CCL27: variants seen among roughly 807,000 people sequenced by gnomAD.
CCL27 encodes the protein C-C motif chemokine ligand 27.
Under a neutral mutation model 7.7 loss-of-function variants are expected in CCL27, and 8 were observed. The observed-to-expected ratio is 1.04, with a 90% CI of 0.61 to 1.88. The LOEUF is 1.88. CCL27 is among the 40% of genes most tolerant of loss of function. The pLI, the probability that CCL27 is intolerant of heterozygous loss-of-function variation, is 0.00. For synonymous variants in CCL27, 49 were observed against 53.2 expected, an observed-to-expected ratio of 0.92 and a Z score of 0.34; for missense variants, 130 against 130.0, an observed-to-expected ratio of 1.00 and a Z score of 0.00.
In CCL27 at chr9:34,662,550, C is replaced by A; in HGVS notation, c.70+14G>T. The A allele has an allele frequency of 6.2e-7, 1 of 1,613,886 alleles. No homozygotes were observed. Among genetic ancestry groups the A allele is most frequent in the Non-Finnish European group, 8.5e-7 (1 of 1,179,852 alleles). ...CACCCAGACCCCCAGCTTTCTATAC[C>A]CCCAAGTACTCACCTGCTGTAGGGT... On this transcript the variant is annotated intron_variant, in intron 1 of 2. Coordinates refer to ENST00000259631, the MANE Select transcript of CCL27 (RefSeq NM_006664.4).
rs926609738 is a variant in CCL27, at chr9:34,661,904, T to G, written c.*40A>C. Reference sequence around the variant, plus strand: ...GTTCTTGGAGATTATACTCAGAAATTATTATCCAATGCTGCTTTATTATTT... The same window carrying G: ...GTTCTTGGAGATTATACTCAGAAATGATTATCCAATGCTGCTTTATTATTT... On this transcript the variant is annotated 3_prime_UTR_variant, in exon 3 of 3. Coordinates refer to ENST00000259631, the MANE Select transcript of CCL27 (RefSeq NM_006664.4). 1 of 1,608,026 alleles carries G rather than the reference T, an allele frequency of 6.2e-7. No homozygotes were observed. Among genetic ancestry groups the G allele is most frequent in the Non-Finnish European group, 8.5e-7 (1 of 1,175,304 alleles).
rs1256179561 is a variant in CCL27 at position 34,661,993 on chromosome 9, T to C, written c.290A>G (p.His97Arg). 6.8e-6 allele frequency: 11 copies of C among 1,614,142 alleles called. No homozygotes were observed. The highest frequency in any genetic ancestry group is 6.8e-6 in the Non-Finnish European group (8 of 1,180,042). The change falls in exon 3 of 3, where the codon CAT becomes CGT. Residue 97 changes from histidine (H) to arginine (R), a missense_variant. Coordinates refer to ENST00000259631, the MANE Select transcript of CCL27 (RefSeq NM_006664.4). Reference sequence around the variant, plus strand: ...AAAATTCAGCTTGGGCAGAGTCCCATGGAGCTTTCTCTCTTGGTGCTCAAA... The same window carrying C: ...AAAATTCAGCTTGGGCAGAGTCCCACGGAGCTTTCTCTCTTGGTGCTCAAA... Reference protein sequence around the residue: ...QWFEHQERKLHGTLPKLNFGM... With the variant: ...QWFEHQERKLRGTLPKLNFGM...
In CCL27 at chr9:34,662,604, G is replaced by A. The variant is rs1490561057; in HGVS notation, c.30C>T (p.Leu10=). 5.6e-6 allele frequency: 9 copies of A among 1,613,708 alleles called. No homozygotes were observed. Among genetic ancestry groups the A allele is most frequent in the Admixed American group, 1.7e-5 (1 of 59,932 alleles). Residue 10 remains leucine, a synonymous_variant, in exon 1 of 3, where the codon CTC becomes CTT. Coordinates refer to ENST00000259631, the MANE Select transcript of CCL27 (RefSeq NM_006664.4). The part of the protein sequence containing the change: MKGPPTFCS[L]LLLSLLLSPD... ...GGCTCAGGAGCAATGACAGCAGCAG[G>A]AGGCTGCAGAAGGTTGGGGGCCCCT...
At chr9:34,662,483 G>A (rs1332362536) in intron 1 of CCL27, 67 bp from the exon 2 acceptor site, 6 of 1,613,166 alleles carry the variant, frequency 3.7e-6, no homozygotes, top group Non-Finnish European at 4.2e-6. Flanking sequence ...GACAGCTGGA[G>A]GTTAGGTTGG....
At chr9:34,662,508 T>G in intron 1 of CCL27, 56 bp downstream of exon 1, 1 of 1,612,486 alleles carries the variant, frequency 6.2e-7, no homozygotes, top group Non-Finnish European at 8.5e-7. Context: ...CCTGGGTCTT[T>G]TCAACTTCAT....
At chr9:34,662,142 A>G (rs761974958) in intron 2 of CCL27, 63 bp from the exon 3 acceptor site, 26 of 1,608,888 alleles carry the variant, frequency 1.6e-5, no homozygotes, top group African/African-American at 5.4e-5. Context: ...GTCATCCCCA[A>G]TGACCCTAAT....
chr9:34,662,135 AT>A, intron 2 of CCL27, 56 bp from the exon 3 acceptor site: 1 of 1,610,898 alleles, frequency 6.2e-7, no homozygotes, highest in South Asian at 1.1e-5. Context: ...GATTAGGGTC[AT>A]CCCCAATGAC....
At chr9:34,662,499 C>T in intron 1 of CCL27, 65 bp downstream of exon 1, 1 of 1,612,782 alleles carries the variant, frequency 6.2e-7, no homozygotes, top group Non-Finnish European at 8.5e-7. Flanking sequence ...GTTGGATTTC[C>T]TGGGTCTTTT....
Position 34,662,619 on chromosome 9 carries a change from T to TG in CCL27, c.14dup (p.Thr6AsnfsTer54). Reference sequence around the variant, plus strand: ...ACAGCAGCAGGAGGCTGCAGAAGGTTGGGGGCCCCTTCATGTTGCTCAGCC... The same window carrying TG: ...ACAGCAGCAGGAGGCTGCAGAAGGTTGGGGGGCCCCTTCATGTTGCTCAGCC... On this transcript the variant is annotated frameshift_variant, in exon 1 of 3. Coordinates refer to ENST00000259631, the MANE Select transcript of CCL27 (RefSeq NM_006664.4). LOFTEE classifies it high-confidence loss of function. The TG allele has an allele frequency of 6.2e-7, 1 of 1,612,886 alleles. No individual in the cohort carries two copies. The highest frequency in any genetic ancestry group is 8.5e-7 in the Non-Finnish European group (1 of 1,179,536).
rs1041996072 is a variant in CCL27, at chr9:34,662,263, G to A, written c.203+21C>T. On this transcript the variant is annotated intron_variant, in intron 2 of 2. Coordinates refer to ENST00000259631, the MANE Select transcript of CCL27 (RefSeq NM_006664.4). The stretch of plus-strand genomic sequence containing the variant: ...GTTGGGACTGAGGTCAGAGTCAGGG[G>A]TATCAGGGGTGGGAGCTCACACGAA... 3.7e-6 allele frequency: 6 copies of A among 1,613,210 alleles called. No homozygotes were observed. The African/African-American group carries it at 8.0e-5, about 22-fold the overall frequency.
At chr9:34,662,467 C>A (rs1264938412) in intron 1 of CCL27, 51 bp from the exon 2 acceptor site, 2 of 1,613,708 alleles carry the variant, frequency 1.2e-6, no homozygotes, top group African/African-American at 1.3e-5. Flanking sequence ...AAGAACCTCT[C>A]TGCCAGACAG....
At position 34,661,897 on chromosome 9, in the gene CCL27, C is replaced by T. The variant is rs1202324747; in HGVS notation, c.*47G>A. On this transcript the variant is annotated 3_prime_UTR_variant, in exon 3 of 3. Transcript: ENST00000259631. ...TAAGGAAGTTCTTGGAGATTATACTCAGAAATTATTATCCAATGCTGCTTT... is the reference window on the plus strand; with the variant it reads ...TAAGGAAGTTCTTGGAGATTATACTTAGAAATTATTATCCAATGCTGCTTT... The T allele has an allele frequency of 6.2e-7, 1 of 1,604,162 alleles. No individual in the cohort carries two copies. Among genetic ancestry groups the T allele is most frequent in the East Asian group, 2.2e-5 (1 of 44,762 alleles).
chr9:34,662,490 T>A, intron 1 of CCL27, 74 bp from the exon 2 acceptor site: 1 of 1,612,866 alleles, frequency 6.2e-7, no homozygotes, highest in South Asian at 1.1e-5. Context: ...GGAGGTTAGG[T>A]TGGATTTCCT....
rs369213038 is a variant in CCL27, at chr9:34,662,316, C to T, written c.171G>A (p.Glu57=). 2.5e-6 allele frequency: 4 copies of T among 1,614,108 alleles called. No homozygotes were observed. The highest frequency in any genetic ancestry group is 3.4e-6 in the Non-Finnish European group (4 of 1,180,012). The change falls in exon 2 of 3, where the codon GAG becomes GAA. Residue 57 remains glutamate, a synonymous_variant. Coordinates refer to ENST00000259631, the MANE Select transcript of CCL27 (RefSeq NM_006664.4). ...CCTGGAGGTGACAGTCCCCGTCAGC[C>T]TCCTGCAGTTCCACCTGGATGACCT... ...LRKVIQVELQ[E]ADGDCHLQAF... is the part of the protein sequence containing the mutation.
Position 34,662,656 on chromosome 9 carries a change from T to TTC in CCL27, c.-24_-23insGA, listed in dbSNP as rs770683965. ...CATGTTGCTCAGCCTAGACTCTTCC[T>TTC]TCTCTCTCTCTCCTCCTCCCCTACC... On this transcript the variant is annotated 5_prime_UTR_variant, in exon 1 of 3. Transcript: ENST00000259631. 3.2e-6 allele frequency: 5 copies of TTC among 1,579,434 alleles called. No homozygotes were observed. Among genetic ancestry groups the TTC allele is most frequent in the East Asian group, 2.2e-5 (1 of 44,614 alleles).
Position 34,662,551 on chromosome 9 carries a change from C to T in CCL27, c.70+13G>A, listed in dbSNP as rs748720150. 13 of 1,613,858 alleles carry T rather than the reference C, an allele frequency of 8.1e-6. No individual in the cohort carries two copies. The highest frequency in any genetic ancestry group is 2.7e-5 in the African/African-American group (2 of 74,900). On this transcript the variant is annotated intron_variant, in intron 1 of 2. Transcript: ENST00000259631. Reference sequence around the variant, plus strand: ...ACCCAGACCCCCAGCTTTCTATACCCCCAAGTACTCACCTGCTGTAGGGTC... The same window carrying T: ...ACCCAGACCCCCAGCTTTCTATACCTCCAAGTACTCACCTGCTGTAGGGTC...
chr9:34,662,219 G>T, intron 2 of CCL27, 65 bp downstream of exon 2: 1 of 1,609,166 alleles, frequency 6.2e-7, no homozygotes. Context: ...TAGGGCTGGG[G>T]TTGGGATCAG....
chr9:34,662,282 A>C lies in CCL27; in HGVS notation c.203+2T>G, dbSNP rs1821472700. The C allele has an allele frequency of 5.0e-6, 8 of 1,613,832 alleles. No homozygotes were observed. The highest frequency in any genetic ancestry group is 6.8e-6 in the Non-Finnish European group (8 of 1,179,980). The stretch of plus-strand genomic sequence containing the variant: ...TCAGGGGTATCAGGGGTGGGAGCTC[A>C]CACGAAAGCCTGGAGGTGACAGTCC... On this transcript the variant is annotated splice_donor_variant, in intron 2 of 2. Transcript: ENST00000259631. LOFTEE classifies it high-confidence loss of function.
At position 34,662,055 on chromosome 9, in the gene CCL27, G is replaced by A. The variant is rs1821467924; in HGVS notation, c.228C>T (p.Ile76=). The change falls in exon 3 of 3, where the codon ATC becomes ATT. Residue 76 remains isoleucine, a synonymous_variant. Coordinates refer to ENST00000259631, the MANE Select transcript of CCL27 (RefSeq NM_006664.4). ...GGCTGGGGTTCTGGGGGTGGATGCA[G>A]ATGCTGCGTTGAGCCAGGTGAAGCC... The part of the protein sequence containing the change: ...AFVLHLAQRS[I]CIHPQNPSLS... 1 of 1,614,250 alleles carries A rather than the reference G, an allele frequency of 6.2e-7. No individual in the cohort carries two copies. Among genetic ancestry groups the A allele is most frequent in the Non-Finnish European group, 8.5e-7 (1 of 1,180,048 alleles).
Sources: allele counts gnomAD v4.1 joint callset, GRCh38; gene constraint gnomAD v4.1.1; transcripts MANE v1.5; gene names NCBI Gene and HGNC (gene_info 2026-07-23, HGNC 2026-07-21).